SDR42E1: variants seen among roughly 807,000 people sequenced by gnomAD.
The protein encoded by SDR42E1 is short chain dehydrogenase/reductase family 42E, member 1.
In SDR42E1, 5 loss-of-function variants were observed where a neutral mutation model predicts 2.6. That is an observed-to-expected ratio of 1.94 (90% CI 1.01 to 4.08). SDR42E1 has a LOEUF of 4.08. Among genes scored for constraint, SDR42E1 ranks in the 30% most tolerant of loss-of-function variants. The probability of loss-of-function intolerance (pLI) is 0.00; values close to 1 mark genes in which losing one functional copy is unlikely to be tolerated. For synonymous variants in SDR42E1, 231 were observed against 188.3 expected, an observed-to-expected ratio of 1.23 and a Z score of -1.86; for missense variants, 596 against 478.6, an observed-to-expected ratio of 1.25 and a Z score of -2.29.
Position 81,999,187 on chromosome 16 carries a change from C to T in SDR42E1, c.1106G>A (p.Trp369Ter). 6.2e-7 allele frequency: 1 copy of T among 1,614,202 alleles called. No homozygotes were observed. Among genetic ancestry groups the T allele is most frequent in the South Asian group, 1.1e-5 (1 of 91,078 alleles). ...CAGGAGGAAGACCAATAGCCCATCC[C>T]AAACAAAACACTCCGAGTCACGACT... ...SGSRDSECFV[W>*]DGLLVFLLII... The change falls in exon 3 of 3, where the codon TGG becomes TAG. Residue 369 changes from tryptophan to a stop codon, truncating the protein, a stop_gained. Coordinates refer to ENST00000328945, the MANE Select transcript of SDR42E1 (RefSeq NM_145168.3). LOFTEE classifies it low-confidence loss of function (END_TRUNC).
chr16:82,006,457 A>G (rs899381418), intron 1 of SDR42E1, among the ~76,000 whole-genome samples: 1 of 152,240 alleles, frequency 6.6e-6, no homozygotes, highest in African/African-American at 2.4e-5. Flanking sequence ...TAGAGGGATA[A>G]GGAGAAGAAT....
intron 1 of SDR42E1, among the ~76,000 whole-genome samples, chr16:82,010,730 C>G (rs1364424741): frequency 6.6e-6 from 1 of 152,190 alleles, no homozygotes; most frequent in African/African-American, 2.4e-5. Context: ...TCATGTCTCC[C>G]TAAAATGTAG....
At chr16:82,000,751 G>T (rs765168343) in intron 2 of SDR42E1, 40 bp downstream of exon 2, 3 of 1,457,474 alleles carry the variant, frequency 2.1e-6, no homozygotes, top group South Asian at 1.2e-5. Flanking sequence ...GCAACTACCA[G>T]TAAAATAATT....
At position 81,991,752 on chromosome 16, in the gene SDR42E1, G is replaced by C. The variant is rs1432163910; in HGVS notation, c.*7359C>G. 2 of 151,564 alleles carry C rather than the reference G, an allele frequency of 1.3e-5. No homozygotes were observed. The highest frequency in any genetic ancestry group is 3.9e-4 in the East Asian group (2 of 5,176). 9.4% of individuals were successfully genotyped at this position (151,564 alleles called of 1,614,324 possible). A position where few individuals can be genotyped will look rare whatever the true frequency, so the allele number is the denominator to read the frequency against. ...TTTGGTCTTGGATTCAAGTAAACCT[G>C]GCTCAAATTTAAGTTTTGCCACTTC... On this transcript the variant is annotated 3_prime_UTR_variant, in exon 3 of 3. Coordinates refer to ENST00000328945, the MANE Select transcript of SDR42E1 (RefSeq NM_145168.3).
At chr16:82,004,464 A>G (rs1912869834) in intron 1 of SDR42E1, among the ~76,000 whole-genome samples, 1 of 152,230 alleles carries the variant, frequency 6.6e-6, no homozygotes, top group Admixed American at 6.5e-5. Context: ...GTGAGCCTGG[A>G]GACAGGCTTC....
At position 81,995,905 on chromosome 16, in the gene SDR42E1, G is replaced by A. The variant is rs886704158; in HGVS notation, c.*3206C>T. The A allele has an allele frequency of 6.6e-6, 1 of 152,238 alleles. No homozygotes were observed. The highest frequency in any genetic ancestry group is 1.5e-5 in the Non-Finnish European group (1 of 68,066). The allele number at this position is 152,238 out of a possible 1,614,324, so 9.4% of individuals were successfully genotyped here. On this transcript the variant is annotated 3_prime_UTR_variant, in exon 3 of 3. Transcript: ENST00000328945. Reference sequence around the variant, plus strand: ...CTATGACAGGCCTGTAGCATCATTTGTAGCAGGAGCACCAATCTTAAATTG... The same window carrying A: ...CTATGACAGGCCTGTAGCATCATTTATAGCAGGAGCACCAATCTTAAATTG...
chr16:81,989,978 A>G lies in SDR42E1; in HGVS notation c.*9133T>C, dbSNP rs1214252905. The G allele has an allele frequency of 6.6e-6, 1 of 152,492 alleles. No individual in the cohort carries two copies. Among genetic ancestry groups the G allele is most frequent in the Non-Finnish European group, 1.5e-5 (1 of 68,258 alleles). 9.4% of individuals were successfully genotyped at this position (152,492 alleles called of 1,614,324 possible). A position where few individuals can be genotyped will look rare whatever the true frequency, so the allele number is the denominator to read the frequency against. On this transcript the variant is annotated 3_prime_UTR_variant, in exon 3 of 3. Coordinates refer to ENST00000328945, the MANE Select transcript of SDR42E1 (RefSeq NM_145168.3). ...GTGCCACTGCACTCCAGCCTGGGCC[A>G]CAAGACCAAAACTCCGTCTGAAACA...
intron 1 of SDR42E1, among the ~76,000 whole-genome samples, chr16:82,004,459 C>T (rs1270476960): frequency 1.3e-5 from 2 of 152,178 alleles, no homozygotes; most frequent in Non-Finnish European, 2.9e-5. Flanking sequence ...CTGGGGTGAG[C>T]CTGGAGACAG....
chr16:82,010,298 G>A (rs956803971), intron 1 of SDR42E1, among the ~76,000 whole-genome samples: 1 of 152,198 alleles, frequency 6.6e-6, no homozygotes, highest in Non-Finnish European at 1.5e-5. Context: ...TAGGAACCTT[G>A]CCCACAAATT....
Position 81,999,181 on chromosome 16 carries a change from C to G in SDR42E1, c.1112G>C (p.Gly371Ala). 1 of 1,614,166 alleles carries G rather than the reference C, an allele frequency of 6.2e-7. No individual in the cohort carries two copies. The highest frequency in any genetic ancestry group is 1.1e-5 in the South Asian group (1 of 91,080). ...TATAATCAGGAGGAAGACCAATAGC[C>G]CATCCCAAACAAAACACTCCGAGTC... ...SRDSECFVWD[G>A]LLVFLLIIAV... Residue 371 changes from glycine (G) to alanine (A), a missense_variant, in exon 3 of 3, where the codon GGG becomes GCG. Gly to Ala is a moderately conservative substitution (Grantham distance 60). Transcript: ENST00000328945.
chr16:82,004,366 G>A (rs1912865821), intron 1 of SDR42E1, among the ~76,000 whole-genome samples: 1 of 152,204 alleles, frequency 6.6e-6, no homozygotes, highest in South Asian at 2.1e-4. Flanking sequence ...GGAAGGCTGT[G>A]CTGGGCAGCT....
rs16956150 is a variant in SDR42E1, at chr16:81,997,045, G to C, written c.*2066C>G. ...ACAGCGTATTGTCCCTTGGCAGTCT[G>C]AGCAGAAGCTCACAGTGGAGAACTT... On this transcript the variant is annotated 3_prime_UTR_variant, in exon 3 of 3. Coordinates refer to ENST00000328945, the MANE Select transcript of SDR42E1 (RefSeq NM_145168.3). 1 of 152,234 alleles carries C rather than the reference G, an allele frequency of 6.6e-6. No individual in the cohort carries two copies. The allele number at this position is 152,234 out of a possible 1,614,324, so 9.4% of individuals were successfully genotyped here. A position where few individuals can be genotyped will look rare whatever the true frequency, so the allele number is the denominator to read the frequency against.
chr16:82,001,771 G>A (rs535572698), intron 1 of SDR42E1, among the ~76,000 whole-genome samples: 2 of 151,818 alleles, frequency 1.3e-5, no homozygotes, highest in South Asian at 2.1e-4. Context: ...GCGTGGTGGC[G>A]GGCACCTGTA....
At chr16:82,006,654 C>T (rs940880027) in intron 1 of SDR42E1, among the ~76,000 whole-genome samples, 2 of 152,040 alleles carry the variant, frequency 1.3e-5, no homozygotes, top group African/African-American at 2.4e-5. Context: ...ATTCGCCAGG[C>T]GTGGTGATGC....
rs1212407972 is a variant in SDR42E1 at position 82,000,059 on chromosome 16, A to T, written c.234T>A (p.His78Gln). 1 of 1,614,220 alleles carries T rather than the reference A, an allele frequency of 6.2e-7. No homozygotes were observed. The highest frequency in any genetic ancestry group is 2.2e-5 in the East Asian group (1 of 44,884). ...GCCCTGACATACCATAAGAGGCAATATGGAACACACAAGTGACGTCTGCAT... is the reference window on the plus strand; with the variant it reads ...GCCCTGACATACCATAAGAGGCAATTTGGAACACACAAGTGACGTCTGCAT... ...FQDADVTCVF[H>Q]IASYGMSGRE... The change falls in exon 3 of 3, where the codon CAT becomes CAA. Residue 78 changes from histidine to glutamine, a missense_variant. His to Gln is a conservative substitution (Grantham distance 24, BLOSUM62 0). Coordinates refer to ENST00000328945, the MANE Select transcript of SDR42E1 (RefSeq NM_145168.3).
At chr16:82,006,841 G>GA (rs1912955322) in intron 1 of SDR42E1, among the ~76,000 whole-genome samples, 1 of 152,170 alleles carries the variant, frequency 6.6e-6, no homozygotes, top group South Asian at 2.1e-4. Flanking sequence ...CACCTTGGAA[G>GA]AAAATTACCT....
chr16:82,000,321 C>A, intron 2 of SDR42E1, 97 bp from the exon 3 acceptor site: 1 of 1,483,898 alleles, frequency 6.7e-7, no homozygotes, highest in South Asian at 1.1e-5. Context: ...GGGGCTGATC[C>A]AAGTCTTCTT....
rs541743530 is a variant in SDR42E1, at chr16:81,992,863, A to C, written c.*6248T>G. On this transcript the variant is annotated 3_prime_UTR_variant, in exon 3 of 3. Transcript: ENST00000328945. ...AGTTCCTGGTGTGCCCAGGTTCTAA[A>C]ATACAGAAGGGTAACATGGTATGAA... The C allele has an allele frequency of 8.0e-4, 122 of 152,230 alleles. No individual in the cohort carries two copies. The highest frequency in any genetic ancestry group is 2.9e-3 in the African/African-American group (119 of 41,536). 9.4% of individuals were successfully genotyped at this position (152,230 alleles called of 1,614,324 possible). A position where few individuals can be genotyped will look rare whatever the true frequency, so the allele number is the denominator to read the frequency against.
At position 81,996,768 on chromosome 16, in the gene SDR42E1, G is replaced by T. The variant is rs998134951; in HGVS notation, c.*2343C>A. On this transcript the variant is annotated 3_prime_UTR_variant, in exon 3 of 3. Transcript: ENST00000328945. ...CAAGCTGGAGTGGGAGACAGTAACA[G>T]AATTGGGGAGATATGGAAGCAGGAA... 2.6e-5 allele frequency: 4 copies of T among 152,180 alleles called. No individual in the cohort carries two copies. The highest frequency in any genetic ancestry group is 6.5e-5 in the Admixed American group (1 of 15,278). 9.4% of individuals were successfully genotyped at this position (152,180 alleles called of 1,614,324 possible). A position where few individuals can be genotyped will look rare whatever the true frequency, so the allele number is the denominator to read the frequency against.
Sources: gnomAD v4.1 joint callset for allele counts (sites outside exome capture counted in the v4.1 genomes callset) on GRCh38, gnomAD v4.1.1 for gene constraint, MANE v1.5 for transcripts, NCBI Gene and HGNC (gene_info 2026-07-23, HGNC 2026-07-21) for gene names.